Variants in MYH11 observed in about 807,000 individuals in gnomAD.
MYH11 encodes myosin heavy chain 11.
In MYH11, 80 loss-of-function variants were observed where a neutral mutation model predicts 246.6. That is an observed-to-expected ratio of 0.32 (90% CI 0.27 to 0.39). The LOEUF is 0.39. MYH11 is among the 10% of genes least tolerant of loss of function. MYH11 has a pLI of 1.00. For synonymous variants in MYH11, 1,071 were observed against 1,015.5 expected (o/e 1.05, Z -1.04); for missense variants, 2,158 against 2,546.8 (o/e 0.85, Z 3.29).
chr16:15,777,874 A>G (rs1008542703), intron 7 of MYH11, among the ~76,000 whole-genome samples: 1 of 152,166 alleles, frequency 6.6e-6, no homozygotes, highest in African/African-American at 2.4e-5. Context: ...AGAGAGCTTC[A>G]GTGATTTTCC....
chr16:15,716,260 T>C (rs1040374574), intron 38 of MYH11, among the ~76,000 whole-genome samples: 16 of 152,056 alleles, frequency 1.1e-4, no homozygotes, highest in African/African-American at 3.9e-4. Context: ...CCGATGAAAA[T>C]GTTCTCAAAA....
At chr16:15,761,473 A>G (rs2041866233) in intron 10 of MYH11, among the ~76,000 whole-genome samples, 1 of 152,202 alleles carries the variant, frequency 6.6e-6, no homozygotes, top group Non-Finnish European at 1.5e-5. Flanking sequence ...TTTATTGAAC[A>G]GTTACTGTTC....
intron 3 of MYH11, among the ~76,000 whole-genome samples, chr16:15,802,125 A>G (rs760180351): frequency 6.6e-5 from 10 of 152,188 alleles, no homozygotes; most frequent in Non-Finnish European, 1.0e-4. Context: ...TCAATAGAAA[A>G]AGAGTCGGTA....
chr16:15,811,316 T>C (rs953740542), intron 3 of MYH11, among the ~76,000 whole-genome samples: 1 of 152,200 alleles, frequency 6.6e-6, no homozygotes, highest in African/African-American at 2.4e-5. Context: ...CTTAGCCTTC[T>C]GGGGGCCTCA....
At chr16:15,726,444 C>A in intron 28 of MYH11, 1 of 304,208 alleles carries the variant, frequency 3.3e-6, no homozygotes, top group Non-Finnish European at 6.3e-6. Context: ...GGTCTCCGCA[C>A]ACTGCAACCT....
At chr16:15,829,496 T>C (rs1168361122) in intron 2 of MYH11, among the ~76,000 whole-genome samples, 1 of 152,130 alleles carries the variant, frequency 6.6e-6, no homozygotes, top group Non-Finnish European at 1.5e-5. Flanking sequence ...CCTCCCACAT[T>C]ATTCAGCCAC....
At position 15,724,635 on chromosome 16, in the gene MYH11, C is replaced by T. The variant is rs193005461; in HGVS notation, c.4116+12G>A. On this transcript the variant is annotated intron_variant, in intron 30 of 40. Coordinates refer to ENST00000300036, the MANE Select transcript of MYH11 (RefSeq NM_002474.3). ...AGGACCCATGAAGGAAGCAAGGACA[C>T]GGGGCAGGCACCTGGATGTTGAGAG... 2,262 of 1,613,748 alleles carry T rather than the reference C, an allele frequency of 1.4e-3. 29 individuals carry two copies. The African/African-American group carries it at 0.027, about 19-fold the overall frequency.
intron 2 of MYH11, among the ~76,000 whole-genome samples, chr16:15,829,421 G>GT (rs575096285): frequency 1.7e-4 from 26 of 152,302 alleles, no homozygotes; most frequent in Non-Finnish European, 3.7e-4. Flanking sequence ...TGGAGTGAAG[G>GT]TAAGACTGGT....
chr16:15,719,789 C>T lies in MYH11; in HGVS notation c.4954-76G>A, dbSNP rs1292907215. The T allele has an allele frequency of 2.5e-6, 4 of 1,592,344 alleles. No individual in the cohort carries two copies. The East Asian group carries it at 6.7e-5, about 27-fold the overall frequency. On this transcript the variant is annotated intron_variant, in intron 34 of 40. Transcript: ENST00000300036. ...TTCTGCTGCCCAGTTCAGCTTTGCA[C>T]ACCCACCCCTTGGATTTTCTGCAGT...
chr16:15,732,612 G>A lies in MYH11; in HGVS notation c.3603C>T (p.His1201=), dbSNP rs199800922. Reference sequence around the variant, plus strand: ...CTGTGAGCTCCTCCACCGCCTGTGCGTGTTTCTGCCTCATCTCCTGGACCT... The same window carrying A: ...CTGTGAGCTCCTCCACCGCCTGTGCATGTTTCTGCCTCATCTCCTGGACCT... ...EAQVQEMRQK[H]AQAVEELTEQ... is the part of the protein sequence containing the mutation. Residue 1201 remains histidine, a synonymous_variant, in exon 27 of 41, where the codon CAC becomes CAT. Transcript: ENST00000300036. 22 of 1,614,226 alleles carry A rather than the reference G, an allele frequency of 1.4e-5. No individual in the cohort carries two copies. Among genetic ancestry groups the A allele is most frequent in the African/African-American group, 5.3e-5 (4 of 75,050 alleles).
intron 14 of MYH11, among the ~76,000 whole-genome samples, chr16:15,755,696 G>T (rs904274514): frequency 1.3e-5 from 2 of 152,204 alleles, no homozygotes; most frequent in Non-Finnish European, 2.9e-5. Flanking sequence ...ACCTTGGGAG[G>T]CCGAGGCGGG....
At chr16:15,717,104 C>G (rs779050872) in intron 38 of MYH11, 36 bp downstream of exon 38, 71 of 1,606,958 alleles carry the variant, frequency 4.4e-5, no homozygotes, top group Non-Finnish European at 5.7e-5. Context: ...CCATCACCCC[C>G]CTGCAAACTG....
chr16:15,736,078 C>T (rs542595812), intron 25 of MYH11, among the ~76,000 whole-genome samples: 2 of 152,334 alleles, frequency 1.3e-5, no homozygotes, highest in South Asian at 2.1e-4. Flanking sequence ...TCAAGGTGGG[C>T]TGCAAGAAGC....
At chr16:15,766,688 A>C (rs990345438) in intron 9 of MYH11, among the ~76,000 whole-genome samples, 1 of 152,172 alleles carries the variant, frequency 6.6e-6, no homozygotes, top group Non-Finnish European at 1.5e-5. Context: ...AACTTTAGGA[A>C]CCAATTTCTA....
chr16:15,739,373 T>C (rs2151246992), intron 23 of MYH11, among the ~76,000 whole-genome samples: 1 of 152,288 alleles, frequency 6.6e-6, no homozygotes, highest in South Asian at 2.1e-4. Flanking sequence ...AGTGCTGGGA[T>C]TGCAGGCATG....
At chr16:15,824,083 T>C (rs2043493424) in intron 2 of MYH11, among the ~76,000 whole-genome samples, 1 of 151,610 alleles carries the variant, frequency 6.6e-6, no homozygotes, top group South Asian at 2.1e-4. Flanking sequence ...ACGCAGGATC[T>C]TTTTTGGATG....
At chr16:15,751,162 ATTATT>A (rs1320185250) in intron 15 of MYH11, among the ~76,000 whole-genome samples, 2 of 143,902 alleles carry the variant, frequency 1.4e-5, no homozygotes, top group African/African-American at 5.4e-5. Flanking sequence ...TATTATTATC[ATTATT>A]TTATTTTATT....
At chr16:15,757,767 A>T in intron 13 of MYH11, 60 bp downstream of exon 13, 11 of 1,610,966 alleles carry the variant, frequency 6.8e-6, no homozygotes, top group Non-Finnish European at 9.3e-6. Context: ...CGTCGGCTCC[A>T]CAGAGGCCAC....
intron 19 of MYH11, 40 bp from the exon 20 acceptor site, chr16:15,745,277 C>A: frequency 6.9e-7 from 1 of 1,443,124 alleles, no homozygotes; most frequent in South Asian, 1.1e-5. Context: ...GTCATGAAGC[C>A]ACACCCTGCT....
Sources: gnomAD v4.1 joint callset for allele counts (sites outside exome capture counted in the v4.1 genomes callset) on GRCh38, gnomAD v4.1.1 for gene constraint, MANE v1.5 for transcripts, NCBI Gene and HGNC (gene_info 2026-07-23, HGNC 2026-07-21) for gene names.